Variants in PLPP3 observed in about 807,000 individuals in gnomAD.
PLPP3 encodes the protein PAP2 beta.
In PLPP3, 6 loss-of-function variants were observed where a neutral mutation model predicts 29.6. That is an observed-to-expected ratio of 0.20 (90% CI 0.11 to 0.40). The LOEUF is 0.40. Among genes scored for constraint, PLPP3 ranks in the 10% least tolerant of loss-of-function variants. The pLI is 1.00. For missense variants in PLPP3, 308 were observed against 407.7 expected (o/e 0.76, Z 2.11); for synonymous variants, 152 against 159.7 (o/e 0.95, Z 0.36).
At chr1:56,545,457 C>T (rs1645998248) in intron 1 of PLPP3, among the ~76,000 whole-genome samples, 1 of 152,154 alleles carries the variant, frequency 6.6e-6, no homozygotes, top group African/African-American at 2.4e-5. Context: ...GGCCCACCAG[C>T]CACTTCCCAT....
intron 5 of PLPP3, among the ~76,000 whole-genome samples, chr1:56,496,894 C>A (rs930642764): frequency 1.3e-5 from 2 of 152,178 alleles, no homozygotes; most frequent in Non-Finnish European, 2.9e-5. Context: ...CCAGGTTGCA[C>A]AACACTGGTT....
At chr1:56,557,008 A>AAGAAAGAAAGAAAGAAAGAAAGAAAGAG in intron 1 of PLPP3, among the ~76,000 whole-genome samples, 1 of 13,748 alleles carries the variant, frequency 7.3e-5, no homozygotes, top group East Asian at 1.4e-3. Flanking sequence ...GAAAGAAAGA[A>AAGAAAGAAAGAAAGAAAGAAAGAAAGAG]AGAGAGAGAG....
chr1:56,509,990 T>G (rs1233361309), intron 5 of PLPP3, among the ~76,000 whole-genome samples: 4 of 152,214 alleles, frequency 2.6e-5, no homozygotes, highest in Non-Finnish European at 5.9e-5. Flanking sequence ...ATTTCACTTC[T>G]TGGAAATAAG....
chr1:56,502,914 G>A (rs1645677841), intron 5 of PLPP3, among the ~76,000 whole-genome samples: 1 of 152,164 alleles, frequency 6.6e-6, no homozygotes, highest in South Asian at 2.1e-4. Context: ...GCATTCCCAT[G>A]TGATTTGGCC....
intron 1 of PLPP3, 121 bp downstream of exon 1, chr1:56,578,757 C>A: frequency 9.0e-7 from 1 of 1,108,006 alleles, no homozygotes; most frequent in Non-Finnish European, 1.1e-6. Context: ...AGGAAGGCTG[C>A]GGGGGCCCCC....
rs534837578 is a variant in PLPP3 at position 56,579,465 on chromosome 1, GCCTCCTCCT to G, written c.-458_-450del. 1.5e-3 allele frequency: 266 copies of G among 178,000 alleles called. 1 individual carries two copies. The highest frequency in any genetic ancestry group is 5.5e-3 in the African/African-American group (230 of 41,462). 11.0% of individuals were successfully genotyped at this position (178,000 alleles called of 1,614,324 possible). A position where few individuals can be genotyped will look rare whatever the true frequency, so the allele number is the denominator to read the frequency against. On this transcript the variant is annotated 5_prime_UTR_variant, in exon 1 of 6. Coordinates refer to ENST00000371250, the MANE Select transcript of PLPP3 (RefSeq NM_003713.5). ...GAGCGCCAGCCCCAACTCTAACTTT[GCCTCCTCCT>G]CCTCCTCCTCCTCCGGCTCCTCCTG... is the stretch of plus-strand genomic sequence containing the variant.
intron 1 of PLPP3, among the ~76,000 whole-genome samples, chr1:56,565,285 CA>C (rs146459951): frequency 0.028 from 4,314 of 152,230 alleles, 219 homozygotes; most frequent in African/African-American, 0.099. Flanking sequence ...CAGAGAAGCT[CA>C]AAATCTTTCA....
chr1:56,505,693 A>T (rs1645697795), intron 5 of PLPP3, among the ~76,000 whole-genome samples: 1 of 152,214 alleles, frequency 6.6e-6, no homozygotes, highest in Non-Finnish European at 1.5e-5. Flanking sequence ...TTATTGTAAG[A>T]ATACTGTATA....
intron 1 of PLPP3, among the ~76,000 whole-genome samples, chr1:56,538,261 CTG>C (rs1416630759): frequency 6.6e-6 from 1 of 152,186 alleles, no homozygotes; most frequent in Non-Finnish European, 1.5e-5. Context: ...TACACAGAGA[CTG>C]TGGATTCATG....
Position 56,514,229 on chromosome 1 carries a change from C to T in PLPP3, c.634-2077G>A, listed in dbSNP as rs576503702. On this transcript the variant is annotated intron_variant, in intron 4 of 5. Transcript: ENST00000371250. ...TAGGAGCTATGAAAGAAGTTAGAGG[C>T]TGGGGTCAATTACTATTTGGAAGGG... Among the ~76,000 whole-genome samples, 518 of 151,706 alleles carry T rather than the reference C, an allele frequency of 3.4e-3. 1 individual carries two copies. Among genetic ancestry groups the T allele is most frequent in the African/African-American group, 0.012 (496 of 41,302 alleles).
rs1645836664 is a variant in PLPP3, at chr1:56,524,069, A to G, written c.576-189T>C. Among the ~76,000 whole-genome samples, 1 of 152,226 alleles carries G rather than the reference A, an allele frequency of 6.6e-6. No homozygotes were observed. Among genetic ancestry groups the G allele is most frequent in the African/African-American group, 2.4e-5 (1 of 41,458 alleles). The stretch of plus-strand genomic sequence containing the variant: ...GGCACCTATGAATTCATGAATAAAC[A>G]AAAGAATGAATGAATGAATGTACCT... On this transcript the variant is annotated intron_variant, in intron 3 of 5. Transcript: ENST00000371250. The surrounding 1 kb of genome is among the most constrained non-coding windows in gnomAD (Gnocchi z 4.3).
rs1029110 is a variant in PLPP3, at chr1:56,534,448, G to A, written c.297+2507C>T. ...TTTGTTGTGGGGACCATCTGAATGG[G>A]AGCAGGGGCATCCAACTCAGTCAAG... On this transcript the variant is annotated intron_variant, in intron 2 of 5. Coordinates refer to ENST00000371250, the MANE Select transcript of PLPP3 (RefSeq NM_003713.5). Among the ~76,000 whole-genome samples, 14 of 152,232 alleles carry A rather than the reference G, an allele frequency of 9.2e-5. 1 individual carries two copies. In the East Asian group the frequency reaches 2.7e-3, roughly 29 times the overall value.
At chr1:56,568,842 G>A (rs1212525449) in intron 1 of PLPP3, among the ~76,000 whole-genome samples, 1 of 152,020 alleles carries the variant, frequency 6.6e-6, no homozygotes, top group African/African-American at 2.4e-5. Context: ...GGCCAGGCTG[G>A]TCTTGAACTC....
intron 1 of PLPP3, among the ~76,000 whole-genome samples, chr1:56,544,591 C>A (rs959565712): frequency 1.3e-5 from 2 of 152,108 alleles, no homozygotes; most frequent in Non-Finnish European, 2.9e-5. Context: ...AGGATATAGA[C>A]AAAAGACCAA....
Position 56,524,976 on chromosome 1 carries a change from C to A in PLPP3, c.298-422G>T, listed in dbSNP as rs72664340. Among the ~76,000 whole-genome samples, 289 of 152,216 alleles carry A rather than the reference C, an allele frequency of 1.9e-3. No individual in the cohort carries two copies. The highest frequency in any genetic ancestry group is 3.2e-3 in the Non-Finnish European group (218 of 68,010). On this transcript the variant is annotated intron_variant, in intron 2 of 5. Transcript: ENST00000371250. This position sits in a 1 kb window ranked among gnomAD's most constrained non-coding sequence, Gnocchi z 4.3. Reference sequence around the variant, plus strand: ...TTCTGAGATTTGGGGTAAAGGATCACCAACAATGACCTGACTCTAGTAAGG... The same window carrying A: ...TTCTGAGATTTGGGGTAAAGGATCAACAACAATGACCTGACTCTAGTAAGG...
chr1:56,572,269 C>T (rs552196657), intron 1 of PLPP3, among the ~76,000 whole-genome samples: 3 of 152,032 alleles, frequency 2.0e-5, no homozygotes, highest in African/African-American at 7.2e-5. Context: ...AGGCTAGTCT[C>T]GAAATTCTGA....
chr1:56,560,766 G>A (rs1646118315), intron 1 of PLPP3, among the ~76,000 whole-genome samples: 1 of 150,402 alleles, frequency 6.6e-6, no homozygotes, highest in Admixed American at 6.6e-5. Context: ...TGTAAACTCA[G>A]ATTTCTTGTC....
At chr1:56,566,463 T>G (rs113823851) in intron 1 of PLPP3, among the ~76,000 whole-genome samples, 147 of 152,290 alleles carry the variant, frequency 9.7e-4, no homozygotes, top group African/African-American at 3.4e-3. Context: ...TTGGGAGGAT[T>G]AAATAAGAGA....
At chr1:56,536,888 A>G in intron 2 of PLPP3, 67 bp downstream of exon 2, 2 of 1,573,800 alleles carry the variant, frequency 1.3e-6, no homozygotes, top group Non-Finnish European at 1.7e-6. Flanking sequence ...TGGCTCAGAC[A>G]TTCTATAATA....
Sources: gnomAD v4.1 joint callset for allele counts (sites outside exome capture counted in the v4.1 genomes callset) on GRCh38, gnomAD v4.1.1 for gene constraint, Gnocchi (gnomAD v3.1) non-coding constraint, MANE v1.5 for transcripts, NCBI Gene and HGNC (gene_info 2026-07-23, HGNC 2026-07-21) for gene names.